Variants in SLC4A4 observed in about 807,000 individuals in gnomAD.
SLC4A4 encodes electrogenic sodium bicarbonate cotransporter 1.
SLC4A4 carries 27 observed loss-of-function variants against 111.5 expected under a neutral mutation model. The ratio of observed to expected loss-of-function variants is 0.24; its 90% CI spans 0.18 to 0.33. The LOEUF (loss-of-function observed/expected upper bound fraction) is 0.33. Ranked by LOEUF, SLC4A4 falls within the 10% of genes least tolerant of loss-of-function variation. The probability of loss-of-function intolerance (pLI) is 1.00; values close to 1 mark genes in which losing one functional copy is unlikely to be tolerated. For synonymous variants in SLC4A4, 443 were observed against 463.4 expected, an observed-to-expected ratio of 0.96 and a Z score of 0.57; for missense variants, 909 against 1,315.5, an observed-to-expected ratio of 0.69 and a Z score of 4.78.
intron 5 of SLC4A4, among the ~76,000 whole-genome samples, chr4:71,354,005 G>A (rs933989173): frequency 2.6e-5 from 4 of 152,092 alleles, no homozygotes; most frequent in African/African-American, 7.2e-5. Context: ...ATTTTTTCAC[G>A]AAGAACCCCT....
chr4:71,153,449 C>A (rs142377829), intron 2 of SLC4A4, among the ~76,000 whole-genome samples: 76 of 152,140 alleles, frequency 5.0e-4, no homozygotes, highest in African/African-American at 1.8e-3. Context: ...TAGGGAGTGA[C>A]GAAAAGACAG....
rs985051220 is a variant in SLC4A4, at chr4:71,137,292, C to T, written c.-2+44500C>T. ...ATCCCTGTCATATTTCCTTTTGTCC[C>T]CACACCAAAGTTCCTCAAGAGTCAT... On this transcript the variant is annotated intron_variant, in intron 2 of 26. Transcript: ENST00000649996. Among the ~76,000 whole-genome samples the T allele has an allele frequency of 5.3e-5, 8 of 152,236 alleles. No individual in the cohort carries two copies. In the South Asian group the frequency reaches 6.2e-4, roughly 12 times the overall value.
chr4:71,402,167 G>T (rs1720427942), intron 7 of SLC4A4, among the ~76,000 whole-genome samples: 1 of 152,162 alleles, frequency 6.6e-6, no homozygotes, highest in Non-Finnish European at 1.5e-5. Flanking sequence ...GTATGCGGAT[G>T]AAACCATTAA....
At chr4:71,238,496 A>G (rs1719960902) in intron 2 of SLC4A4, among the ~76,000 whole-genome samples, 1 of 152,214 alleles carries the variant, frequency 6.6e-6, no homozygotes, top group African/African-American at 2.4e-5. Flanking sequence ...TTTTGTGATG[A>G]TTAAACCGTC....
intron 6 of SLC4A4, among the ~76,000 whole-genome samples, chr4:71,391,643 T>G (rs1328115929): frequency 1.3e-5 from 2 of 152,130 alleles, no homozygotes; most frequent in Non-Finnish European, 2.9e-5. Flanking sequence ...TCCAAAGCTT[T>G]CTTTTTCTTA....
chr4:71,483,341 T>C (rs748863354), intron 14 of SLC4A4, among the ~76,000 whole-genome samples: 19 of 151,852 alleles, frequency 1.3e-4, no homozygotes, highest in Admixed American at 3.9e-4. Flanking sequence ...CACCCTCTAA[T>C]AGGCCCCAGA....
chr4:71,169,390 A>G (rs1156388322), intron 2 of SLC4A4, among the ~76,000 whole-genome samples: 1 of 151,986 alleles, frequency 6.6e-6, no homozygotes, highest in Non-Finnish European at 1.5e-5. Flanking sequence ...CATAAAAGCC[A>G]TTTTAATTGG....
intron 7 of SLC4A4, among the ~76,000 whole-genome samples, chr4:71,433,293 A>G (rs1723813604): frequency 6.6e-6 from 1 of 151,528 alleles, no homozygotes. Flanking sequence ...TTCCCTAGTT[A>G]GTATTGATAA....
chr4:71,550,566 G>GT (rs1172503658), intron 20 of SLC4A4, among the ~76,000 whole-genome samples: 7 of 151,804 alleles, frequency 4.6e-5, no homozygotes, highest in African/African-American at 1.2e-4. Context: ...GTGACTATGT[G>GT]TTTTTTTAGA....
At chr4:71,354,983 A>G (rs1730157534) in intron 5 of SLC4A4, among the ~76,000 whole-genome samples, 1 of 152,214 alleles carries the variant, frequency 6.6e-6, no homozygotes, top group Non-Finnish European at 1.5e-5. Flanking sequence ...TAGCTGTGAA[A>G]TGTTACTGCC....
intron 2 of SLC4A4, among the ~76,000 whole-genome samples, chr4:71,124,612 C>T (rs570249917): frequency 2.6e-5 from 4 of 152,234 alleles, no homozygotes; most frequent in South Asian, 2.1e-4. Flanking sequence ...AAAATTATTG[C>T]GCTCACTTCC....
At chr4:71,522,928 A>G (rs1733085433) in intron 16 of SLC4A4, among the ~76,000 whole-genome samples, 1 of 152,196 alleles carries the variant, frequency 6.6e-6, no homozygotes, top group Non-Finnish European at 1.5e-5. Flanking sequence ...TTATTGATGT[A>G]AGACACAGGA....
chr4:71,382,819 A>G (rs1190233121), intron 6 of SLC4A4, among the ~76,000 whole-genome samples: 1 of 152,168 alleles, frequency 6.6e-6, no homozygotes, highest in Non-Finnish European at 1.5e-5. Context: ...TCATTGTTCC[A>G]CTGTGTTGTG....
At chr4:71,081,151 G>C (rs956134875) in intron 1 of SLC4A4, among the ~76,000 whole-genome samples, 3 of 152,028 alleles carry the variant, frequency 2.0e-5, no homozygotes, top group African/African-American at 7.3e-5. Context: ...ACTGTGACTT[G>C]AACATCTCTG....
intron 16 of SLC4A4, among the ~76,000 whole-genome samples, chr4:71,529,042 T>C (rs1733691795): frequency 6.6e-6 from 1 of 152,100 alleles, no homozygotes; most frequent in Non-Finnish European, 1.5e-5. Context: ...TCTTCAGGCA[T>C]GTGCGATAGT....
chr4:71,381,128 T>C (rs2148950630), intron 6 of SLC4A4, among the ~76,000 whole-genome samples: 1 of 152,314 alleles, frequency 6.6e-6, no homozygotes, highest in East Asian at 1.9e-4. Flanking sequence ...CAAATCGAAG[T>C]GCAGTCTTAC....
intron 2 of SLC4A4, among the ~76,000 whole-genome samples, chr4:71,105,111 T>C (rs1380323324): frequency 7.6e-6 from 1 of 131,042 alleles, no homozygotes; most frequent in East Asian, 2.3e-4. Flanking sequence ...ATCACAAGCA[T>C]TCTTATACAC....
At chr4:71,348,389 A>G (rs1289279141) in intron 4 of SLC4A4, among the ~76,000 whole-genome samples, 1 of 151,910 alleles carries the variant, frequency 6.6e-6, no homozygotes, top group Non-Finnish European at 1.5e-5. Flanking sequence ...AATGTGTCAC[A>G]GCTACTTTTG....
At chr4:71,550,586 G>A (rs1054173989) in intron 20 of SLC4A4, among the ~76,000 whole-genome samples, 6 of 151,778 alleles carry the variant, frequency 4.0e-5, no homozygotes, top group African/African-American at 1.2e-4. Flanking sequence ...AGAACCAGAG[G>A]ACAACTTAAG....
Sources: gnomAD v4.1 joint callset for allele counts (sites outside exome capture counted in the v4.1 genomes callset) on GRCh38, gnomAD v4.1.1 for gene constraint, MANE v1.5 for transcripts, NCBI Gene and HGNC (gene_info 2026-07-23, HGNC 2026-07-21) for gene names.